The following SNX9 variants were observed in gnomAD, a reference collection of about 807,000 sequenced individuals.
The protein encoded by SNX9 is sorting nexin-9.
A neutral mutation model predicts 89.4 loss-of-function variants in SNX9; 44 were observed. The ratio of observed to expected loss-of-function variants is 0.49; its 90% CI spans 0.39 to 0.63. SNX9 has a LOEUF of 0.63. Ranked by LOEUF, SNX9 falls within the 30% of genes least tolerant of loss-of-function variation. The pLI is 0.00. For synonymous variants in SNX9, 236 were observed against 247.8 expected, an observed-to-expected ratio of 0.95 and a Z score of 0.45; for missense variants, 578 against 736.1, an observed-to-expected ratio of 0.79 and a Z score of 2.49.
rs1421148555 is a variant in SNX9 at position 157,915,801 on chromosome 6, G to A, written c.950-5730G>A. Among the ~76,000 whole-genome samples the A allele has an allele frequency of 4.6e-5, 6 of 129,416 alleles. No individual in the cohort carries two copies. The East Asian group carries it at 6.3e-4, about 14-fold the overall frequency. The allele number at this position is 129,416 out of a possible 152,430, so 84.9% of individuals were successfully genotyped here. On this transcript the variant is annotated intron_variant, in intron 9 of 17. Coordinates refer to ENST00000392185, the MANE Select transcript of SNX9 (RefSeq NM_016224.5). ...GATTGCACCACTGCACTCCAGTCTG[G>A]GCGACAGAGTTAGACTCTGTCAAAA...
chr6:157,877,442 C>T (rs1017245205), intron 4 of SNX9, among the ~76,000 whole-genome samples: 18 of 152,206 alleles, frequency 1.2e-4, no homozygotes, highest in African/African-American at 4.1e-4. Context: ...ACTGCTATCT[C>T]TGCCCTCTGT....
intron 1 of SNX9, among the ~76,000 whole-genome samples, chr6:157,858,806 G>A (rs1162699420): frequency 6.6e-6 from 1 of 152,122 alleles, no homozygotes; most frequent in African/African-American, 2.4e-5. Context: ...GCTTGTGCAG[G>A]GGGACTCCCC....
chr6:157,829,768 T>C (rs1781447177), intron 1 of SNX9, among the ~76,000 whole-genome samples: 1 of 152,222 alleles, frequency 6.6e-6, no homozygotes, highest in South Asian at 2.1e-4. Context: ...TAGCTTTTGG[T>C]AAATATTTCC....
At chr6:157,914,469 C>CTTTCTT (rs1783418073) in intron 9 of SNX9, among the ~76,000 whole-genome samples, 2 of 75,114 alleles carry the variant, frequency 2.7e-5, no homozygotes, top group African/African-American at 1.1e-4. Flanking sequence ...TTTTCTTTTT[C>CTTTCTT]TTTTTTTTTT....
At chr6:157,883,256 T>A (rs1321176481) in intron 4 of SNX9, among the ~76,000 whole-genome samples, 2 of 152,242 alleles carry the variant, frequency 1.3e-5, no homozygotes, top group African/African-American at 4.8e-5. Flanking sequence ...CGCACACTTA[T>A]ACGGTATAGT....
rs950522457 is a variant in SNX9, at chr6:157,943,070, T to G, written c.*232T>G. On this transcript the variant is annotated 3_prime_UTR_variant, in exon 18 of 18. Transcript: ENST00000392185. ...TTAAACCAGTGGAAATTGTCTCTAT[T>G]TTTGGAAAGTACTTAAAAGTTACCA... 1 of 394,166 alleles carries G rather than the reference T, an allele frequency of 2.5e-6. No individual in the cohort carries two copies. The highest frequency in any genetic ancestry group is 2.1e-5 in the African/African-American group (1 of 48,384). The allele number at this position is 394,166 out of a possible 1,614,324, so 24.4% of individuals were successfully genotyped here. A position where few individuals can be genotyped will look rare whatever the true frequency, so the allele number is the denominator to read the frequency against.
At chr6:157,883,130 C>G (rs547756797) in intron 4 of SNX9, among the ~76,000 whole-genome samples, 144 of 152,264 alleles carry the variant, frequency 9.5e-4, no homozygotes, top group African/African-American at 3.3e-3. Context: ...AAGACCCCCC[C>G]GCCACCCCAG....
In SNX9 at chr6:157,851,942, C is replaced by T. The variant is rs111244883; in HGVS notation, c.13-15605C>T. Among the ~76,000 whole-genome samples the T allele has an allele frequency of 6.3e-3, 956 of 152,234 alleles. 9 individuals are homozygous for T. Among genetic ancestry groups the T allele is most frequent in the African/African-American group, 0.022 (910 of 41,530 alleles). Reference sequence around the variant, plus strand: ...CAATTAGCGTAATGTTTTCAAGGTTCGTCTGTAATGTAGCATGTATCCGAA... The same window carrying T: ...CAATTAGCGTAATGTTTTCAAGGTTTGTCTGTAATGTAGCATGTATCCGAA... On this transcript the variant is annotated intron_variant, in intron 1 of 17. Coordinates refer to ENST00000392185, the MANE Select transcript of SNX9 (RefSeq NM_016224.5).
At chr6:157,914,477 T>TC (rs1055993099) in intron 9 of SNX9, among the ~76,000 whole-genome samples, 3 of 126,974 alleles carry the variant, frequency 2.4e-5, no homozygotes, top group Admixed American at 7.7e-5. Context: ...TTCTTTTTTT[T>TC]TTTTTTTTTT....
chr6:157,851,167 A>G (rs2115121029), intron 1 of SNX9, among the ~76,000 whole-genome samples: 1 of 151,996 alleles, frequency 6.6e-6, no homozygotes, highest in Non-Finnish European at 1.5e-5. Context: ...CTGAGGCAGG[A>G]GAATTGCCTG....
chr6:157,847,802 A>G (rs1034959073), intron 1 of SNX9, among the ~76,000 whole-genome samples: 2 of 152,218 alleles, frequency 1.3e-5, no homozygotes, highest in Non-Finnish European at 2.9e-5. Context: ...TCATCTCTGA[A>G]TGCTAATTTA....
At chr6:157,909,089 A>C (rs771200953) in intron 7 of SNX9, among the ~76,000 whole-genome samples, 1 of 152,128 alleles carries the variant, frequency 6.6e-6, no homozygotes, top group African/African-American at 2.4e-5. Flanking sequence ...AACAATGACT[A>C]TCAGGCTCTG....
At chr6:157,861,775 T>C (rs992589225) in intron 1 of SNX9, among the ~76,000 whole-genome samples, 2 of 152,196 alleles carry the variant, frequency 1.3e-5, no homozygotes, top group African/African-American at 2.4e-5. Flanking sequence ...CAAAGTTAAT[T>C]TATAAATTAG....
At chr6:157,899,667 G>A (rs1291383892) in intron 5 of SNX9, among the ~76,000 whole-genome samples, 3 of 152,036 alleles carry the variant, frequency 2.0e-5, no homozygotes, top group African/African-American at 4.8e-5. Context: ...CCAGCTACTC[G>A]GGAAGCTGAG....
intron 13 of SNX9, 123 bp from the exon 14 acceptor site, chr6:157,935,841 A>G (rs535353841): frequency 1.4e-6 from 1 of 707,292 alleles, no homozygotes. Context: ...TATTCCCAAT[A>G]GTTTTGAAAA....
intron 5 of SNX9, among the ~76,000 whole-genome samples, chr6:157,898,895 A>G (rs1783035429): frequency 6.6e-6 from 1 of 152,202 alleles, no homozygotes; most frequent in Non-Finnish European, 1.5e-5. Context: ...TGGGCTGGGT[A>G]GAAGCGTTGG....
At chr6:157,876,154 A>G (rs1468390739) in intron 4 of SNX9, among the ~76,000 whole-genome samples, 1 of 152,060 alleles carries the variant, frequency 6.6e-6, no homozygotes, top group African/African-American at 2.4e-5. Flanking sequence ...TGCTTATAAA[A>G]TATCTGTTTA....
At chr6:157,855,996 G>A (rs1033263000) in intron 1 of SNX9, among the ~76,000 whole-genome samples, 5 of 152,102 alleles carry the variant, frequency 3.3e-5, no homozygotes, top group African/African-American at 7.2e-5. Context: ...TGATCCACCC[G>A]CCTCGGCCTC....
At chr6:157,903,846 C>T (rs941808100) in intron 6 of SNX9, among the ~76,000 whole-genome samples, 1 of 152,162 alleles carries the variant, frequency 6.6e-6, no homozygotes, top group African/African-American at 2.4e-5. Context: ...TCTTTCTGCT[C>T]TAAAATATCA....
Sources: allele counts gnomAD v4.1 joint callset (sites outside exome capture counted in the v4.1 genomes callset), GRCh38; gene constraint gnomAD v4.1.1; transcripts MANE v1.5; gene names NCBI Gene and HGNC (gene_info 2026-07-23, HGNC 2026-07-21).